RNLS: variants seen among roughly 807,000 people sequenced by gnomAD.
The protein encoded by RNLS is renalase, FAD dependent amine oxidase, also known as renalase.
A neutral mutation model predicts 39.8 loss-of-function variants in RNLS; 39 were observed. That is an observed-to-expected ratio of 0.98 (90% CI 0.76 to 1.28). The LOEUF is 1.28. Ranked by LOEUF, RNLS falls within the 50% of genes most tolerant of loss-of-function variation. The pLI, the probability that RNLS is intolerant of heterozygous loss-of-function variation, is 0.00. For missense variants in RNLS, 410 were observed against 413.3 expected, an observed-to-expected ratio of 0.99 and a Z score of 0.07; for synonymous variants, 147 against 150.7, an observed-to-expected ratio of 0.98 and a Z score of 0.18.
At chr10:88,466,488 A>G (rs550204766) in intron 4 of RNLS, among the ~76,000 whole-genome samples, 73 of 152,270 alleles carry the variant, frequency 4.8e-4, no homozygotes, top group Middle Eastern at 3.4e-3. Flanking sequence ...ACATTTTAGA[A>G]ACAGCCTTGG....
In RNLS at chr10:88,451,200, G is replaced by C. The variant is rs150090290; in HGVS notation, c.527-88475C>G. On this transcript the variant is annotated intron_variant, in intron 4 of 6. Coordinates refer to ENST00000331772, the MANE Select transcript of RNLS (RefSeq NM_001031709.3). ...TCATTCATTAGAGGTCTGCCTAGCA[G>C]GAAGAAAGATAATCTACCTCCCAAA... is the stretch of plus-strand genomic sequence containing the variant. Among the ~76,000 whole-genome samples the C allele has an allele frequency of 4.2e-3, 640 of 152,286 alleles. 5 individuals are homozygous for C. Among genetic ancestry groups the C allele is most frequent in the African/African-American group, 0.015 (606 of 41,562 alleles).
intron 4 of RNLS, among the ~76,000 whole-genome samples, chr10:88,548,685 T>TATATATAATATATATTATATTTAATAC (rs1848460954): frequency 2.7e-5 from 4 of 147,940 alleles, no homozygotes; most frequent in African/African-American, 9.8e-5. Context: ...TATATACATT[T>TATATATAATATATATTATATTTAATAC]ATATATAATA....
intron 4 of RNLS, among the ~76,000 whole-genome samples, chr10:88,459,103 C>T (rs12774420): frequency 6.9e-6 from 1 of 145,234 alleles, no homozygotes. Context: ...TTTCTTTTTT[C>T]TTTTTTTTTT....
downstream of RNLS, among the ~76,000 whole-genome samples, chr10:88,272,525 A>G (rs901790908): frequency 1.3e-5 from 2 of 152,174 alleles, no homozygotes; most frequent in Non-Finnish European, 2.9e-5. Context: ...GGGCCCAAGA[A>G]TCTACGTTTT....
chr10:88,383,611 A>AAT (rs1375427888), intron 4 of RNLS, among the ~76,000 whole-genome samples: 5 of 152,126 alleles, frequency 3.3e-5, no homozygotes, highest in African/African-American at 9.7e-5. Context: ...GTGCAAATGA[A>AAT]ATTTCCTTAT....
At chr10:88,199,975 A>G in the RNLS span, among the ~76,000 whole-genome samples, 7 of 152,156 alleles carry the variant, frequency 4.6e-5, no homozygotes, top group Non-Finnish European at 2.9e-5. Context: ...CAAAAAATAC[A>G]AAAGTTAGCT....
chr10:88,358,849 A>C (rs1849402937), intron 5 of RNLS, among the ~76,000 whole-genome samples: 1 of 152,054 alleles, frequency 6.6e-6, no homozygotes, highest in South Asian at 2.1e-4. Flanking sequence ...TTAACAACTG[A>C]CTGTATTTTG....
Position 88,447,091 on chromosome 10 carries a change from G to A in RNLS, c.527-84366C>T, listed in dbSNP as rs533647591. On this transcript the variant is annotated intron_variant, in intron 4 of 6. Transcript: ENST00000331772. Reference sequence around the variant, plus strand: ...GGCAAAAACTGGAAGCATTCCCTTTGAAAACTGGCACACGACAGGGATGTC... The same window carrying A: ...GGCAAAAACTGGAAGCATTCCCTTTAAAAACTGGCACACGACAGGGATGTC... Among the ~76,000 whole-genome samples the A allele has an allele frequency of 1.1e-4, 16 of 152,312 alleles. No homozygotes were observed. In the South Asian group the frequency reaches 2.7e-3, roughly 26 times the overall value.
intron 4 of RNLS, among the ~76,000 whole-genome samples, chr10:88,564,991 AAG>A (rs771011376): frequency 1.3e-5 from 2 of 152,172 alleles, no homozygotes; most frequent in Non-Finnish European, 2.9e-5. Flanking sequence ...TATGATTAGA[AAG>A]AGAGAGAAAG....
chr10:88,440,325 C>T (rs1055681400), intron 4 of RNLS, among the ~76,000 whole-genome samples: 1 of 152,212 alleles, frequency 6.6e-6, no homozygotes, highest in Non-Finnish European at 1.5e-5. Context: ...GTGGTTGATA[C>T]TCCTCCAATC....
At chr10:88,548,108 A>C (rs1405524016) in intron 4 of RNLS, among the ~76,000 whole-genome samples, 1 of 151,142 alleles carries the variant, frequency 6.6e-6, no homozygotes, top group African/African-American at 2.4e-5. Context: ...CTAAAATACA[A>C]AAAATTAGCT....
intron 5 of RNLS, among the ~76,000 whole-genome samples, chr10:88,325,546 C>A (rs1412014027): frequency 2.6e-5 from 4 of 152,300 alleles, no homozygotes; most frequent in Non-Finnish European, 4.4e-5. Flanking sequence ...ACTCTCCAAA[C>A]AGAAATTAAC....
intron 4 of RNLS, among the ~76,000 whole-genome samples, chr10:88,548,834 A>G (rs527367212): frequency 1.3e-5 from 2 of 152,000 alleles, no homozygotes; most frequent in East Asian, 3.9e-4. Flanking sequence ...TCTTGCAAAA[A>G]ATAAAAATAA....
chr10:88,327,545 A>G (rs1846716161), intron 5 of RNLS, among the ~76,000 whole-genome samples: 1 of 152,186 alleles, frequency 6.6e-6, no homozygotes. Flanking sequence ...CTCCCCAGCC[A>G]TGCAGAACTG....
At chr10:88,416,359 T>G (rs1003588586) in intron 4 of RNLS, among the ~76,000 whole-genome samples, 16 of 152,080 alleles carry the variant, frequency 1.1e-4, no homozygotes, top group African/African-American at 3.6e-4. Context: ...GTTCAAGCGA[T>G]TCTCCTGCCT....
At chr10:88,343,389 A>T (rs1460867858) in intron 5 of RNLS, 1 of 327,952 alleles carries the variant, frequency 3.0e-6, no homozygotes, top group Non-Finnish European at 4.4e-6. Flanking sequence ...TTTTGCCCAA[A>T]AAAGCTAGGA....
At chr10:88,529,754 A>G (rs961034388) in intron 4 of RNLS, among the ~76,000 whole-genome samples, 2 of 152,226 alleles carry the variant, frequency 1.3e-5, no homozygotes, top group Non-Finnish European at 2.9e-5. Flanking sequence ...AGAATACTAT[A>G]AAAACACTTA....
chr10:88,184,606 C>T, the RNLS span, among the ~76,000 whole-genome samples: 1 of 152,054 alleles, frequency 6.6e-6, no homozygotes, highest in Non-Finnish European at 1.5e-5. Context: ...AGGTCTGGGA[C>T]CTTAGTCCAC....
chr10:88,443,501 C>T (rs1029268110), intron 4 of RNLS, among the ~76,000 whole-genome samples: 4 of 152,100 alleles, frequency 2.6e-5, no homozygotes, highest in Non-Finnish European at 4.4e-5. Context: ...GAGCGTGAGC[C>T]GAAGCAGGGC....
Sources: gnomAD v4.1 joint callset for allele counts (sites outside exome capture counted in the v4.1 genomes callset) on GRCh38, gnomAD v4.1.1 for gene constraint, MANE v1.5 for transcripts, NCBI Gene and HGNC (gene_info 2026-07-23, HGNC 2026-07-21) for gene names.